Variants in SAMMSON observed in about 807,000 individuals in gnomAD.
SAMMSON encodes the protein survival associated mitochondrial melanoma specific oncogenic non-coding RNA.
At position 70,360,755 on chromosome 3, in the gene SAMMSON, GA is replaced by G. The variant is rs1187071619; in HGVS notation, n.913+2438del. The stretch of plus-strand genomic sequence containing the variant: ...ATGATAAAACATCATAATATAAATG[GA>G]AAAAAATTCATATTTTGGAAAAGTT... On this transcript the variant is annotated intron_variant and non_coding_transcript_variant, in intron 9 of 9. Transcript: ENST00000642114. 1.4e-4 allele frequency among the ~76,000 whole-genome samples: 22 copies of G among 152,082 alleles called. 1 individual carries two copies. In the South Asian group the frequency reaches 2.7e-3, roughly 19 times the overall value.
chr3:70,021,135 G>A (rs944190880), intron 3 of SAMMSON, among the ~76,000 whole-genome samples: 1 of 152,164 alleles, frequency 6.6e-6, no homozygotes, highest in African/African-American at 2.4e-5. Context: ...CATTCCCTGT[G>A]TGTGTGTACA....
chr3:70,121,816 C>T (rs1202286331), intron 4 of SAMMSON, among the ~76,000 whole-genome samples: 3 of 152,124 alleles, frequency 2.0e-5, no homozygotes, highest in East Asian at 1.9e-4. Flanking sequence ...TGGAGTCAGC[C>T]GAGTCAGCTA....
chr3:70,391,100 G>T (rs184638478), downstream of SAMMSON, among the ~76,000 whole-genome samples: 1 of 152,232 alleles, frequency 6.6e-6, no homozygotes, highest in Admixed American at 6.5e-5. Flanking sequence ...AAGAACTGTG[G>T]CATCAGAATC....
At chr3:70,266,190 TA>T (rs2106666272) in intron 6 of SAMMSON, among the ~76,000 whole-genome samples, 1 of 152,306 alleles carries the variant, frequency 6.6e-6, no homozygotes, top group South Asian at 2.1e-4. Context: ...TACAAACATT[TA>T]TGTTTTTTTA....
At chr3:70,106,776 C>G (rs1414373323) in intron 4 of SAMMSON, among the ~76,000 whole-genome samples, 1 of 152,174 alleles carries the variant, frequency 6.6e-6, no homozygotes. Flanking sequence ...TTGCGATCAT[C>G]AACAGGTACA....
chr3:70,237,968 T>C (rs544978696), intron 4 of SAMMSON, among the ~76,000 whole-genome samples: 3 of 143,382 alleles, frequency 2.1e-5, no homozygotes, highest in African/African-American at 7.6e-5. Flanking sequence ...AAGAAACTAA[T>C]TGAGTGGTAT....
rs117509489 is a variant in SAMMSON, at chr3:70,006,376, C to T, written n.23-5981C>T. On this transcript the variant is annotated intron_variant and non_coding_transcript_variant, in intron 1 of 9. Transcript: ENST00000642114. ...AGGAAGGGAATGTGTATTAAGGGCC[C>T]GCCCTTCCCTCATGGCGTTCTGTCC... Among the ~76,000 whole-genome samples, 27 of 152,250 alleles carry T rather than the reference C, an allele frequency of 1.8e-4. No homozygotes were observed. In the East Asian group the frequency reaches 3.9e-3, roughly 22 times the overall value.
At chr3:70,266,960 T>C (rs1048012939) in intron 6 of SAMMSON, among the ~76,000 whole-genome samples, 1 of 152,174 alleles carries the variant, frequency 6.6e-6, no homozygotes. Context: ...CTGAGGAGCC[T>C]TCACATATGA....
chr3:70,117,548 A>G (rs1231214663), intron 4 of SAMMSON, among the ~76,000 whole-genome samples: 1 of 152,234 alleles, frequency 6.6e-6, no homozygotes, highest in African/African-American at 2.4e-5. Flanking sequence ...AAGTTAAATT[A>G]TACAGAGATA....
At chr3:70,304,820 A>G (rs1056035441) in intron 7 of SAMMSON, among the ~76,000 whole-genome samples, 1 of 152,206 alleles carries the variant, frequency 6.6e-6, no homozygotes, top group Non-Finnish European at 1.5e-5. Flanking sequence ...CGAAAAAAAT[A>G]TCCAGATTCC....
intron 3 of SAMMSON, among the ~76,000 whole-genome samples, chr3:70,036,383 C>G (rs987398680): frequency 6.6e-6 from 1 of 152,112 alleles, no homozygotes; most frequent in East Asian, 1.9e-4. Flanking sequence ...AACAAGCTCT[C>G]CCCCACTGTC....
chr3:70,100,358 G>A (rs187929146), intron 4 of SAMMSON, among the ~76,000 whole-genome samples: 3 of 152,100 alleles, frequency 2.0e-5, no homozygotes, highest in East Asian at 1.9e-4. Flanking sequence ...GTGTTGCTCA[G>A]GCTGGTCTCG....
chr3:70,309,460 T>C (rs1235001072), intron 7 of SAMMSON, among the ~76,000 whole-genome samples: 1 of 152,088 alleles, frequency 6.6e-6, no homozygotes, highest in Non-Finnish European at 1.5e-5. Context: ...AGAGAAGTAA[T>C]GAAATCACAT....
intron 2 of SAMMSON, chr3:70,425,021 A>C (rs1701347303): frequency 6.5e-6 from 1 of 152,814 alleles, no homozygotes; most frequent in South Asian, 2.1e-4. Context: ...AGGAGAAGGA[A>C]GAGGAGGAAG....
intron 1 of SAMMSON, among the ~76,000 whole-genome samples, chr3:70,002,970 T>A (rs765522630): frequency 4.6e-5 from 7 of 152,164 alleles, no homozygotes; most frequent in Non-Finnish European, 8.8e-5. Flanking sequence ...CTACTATGAT[T>A]GTGGATTTAC....
In SAMMSON at chr3:70,295,521, A is replaced by G. The variant is rs575911636; in HGVS notation, n.739+4278A>G. 3.3e-5 allele frequency among the ~76,000 whole-genome samples: 5 copies of G among 152,084 alleles called. No homozygotes were observed. In the South Asian group the frequency reaches 6.2e-4, roughly 19 times the overall value. On this transcript the variant is annotated intron_variant and non_coding_transcript_variant, in intron 7 of 9. Coordinates refer to ENST00000642114, the Ensembl canonical transcript of SAMMSON. ...AGTTCGAGACTGGCCTGGGAAACAT[A>G]GTGAGATCCCGTCTCTACAAAAAAG...
chr3:70,065,291 AAC>A (rs1170044695), intron 3 of SAMMSON: 2 of 152,148 alleles, frequency 1.3e-5, no homozygotes, highest in African/African-American at 4.8e-5. Flanking sequence ...GGAGATAATT[AAC>A]ATAGCAACTC....
chr3:70,295,891 T>A (rs1031053611), intron 7 of SAMMSON, among the ~76,000 whole-genome samples: 2 of 152,180 alleles, frequency 1.3e-5, no homozygotes, highest in Non-Finnish European at 2.9e-5. Context: ...GATCTTTGCC[T>A]TGTTTCCCAT....
chr3:70,108,423 C>CTTTTCTTTTTTTTTTTT (rs2067375624), intron 4 of SAMMSON, among the ~76,000 whole-genome samples: 1 of 89,376 alleles, frequency 1.1e-5, no homozygotes. Context: ...CTTGCGGTTC[C>CTTTTCTTTTTTTTTTTT]TTTTTTTTTT....
Sources: allele counts gnomAD v4.1 joint callset (sites outside exome capture counted in the v4.1 genomes callset), GRCh38; gene constraint gnomAD v4.1.1; transcripts MANE v1.5; gene names NCBI Gene and HGNC (gene_info 2026-07-23, HGNC 2026-07-21).